Variants in RNF41 observed in about 807,000 individuals in gnomAD.
RNF41 encodes the protein ring finger protein 41.
A neutral mutation model predicts 33.0 loss-of-function variants in RNF41; 4 were observed. The ratio of observed to expected loss-of-function variants is 0.12; its 90% CI spans 0.06 to 0.28. RNF41 has a LOEUF of 0.28. Ranked by LOEUF, RNF41 falls within the 10% of genes least tolerant of loss-of-function variation. The pLI, the probability that RNF41 is intolerant of heterozygous loss-of-function variation, is 1.00. For missense variants in RNF41, 228 were observed against 432.6 expected (o/e 0.53, Z 4.19); for synonymous variants, 164 against 153.2 (o/e 1.07, Z -0.52).
rs1373781388 is a variant in RNF41, at chr12:56,202,189, G to GA, written c.*4257dup. On this transcript the variant is annotated 3_prime_UTR_variant, in exon 7 of 7. Coordinates refer to ENST00000345093, the MANE Select transcript of RNF41 (RefSeq NM_005785.4). ...GTGTATCAAAGTCACTGAAAGAGAT[G>GA]AAACAAAAAAAATTTTACTAGTATT... The GA allele has an allele frequency of 1.9e-5, 2 of 104,092 alleles. No homozygotes were observed. Among genetic ancestry groups the GA allele is most frequent in the African/African-American group, 6.8e-5 (2 of 29,616 alleles). The allele number at this position is 104,092 out of a possible 1,614,324, so 6.4% of individuals were successfully genotyped here.
At chr12:56,210,712 C>G (rs1251590192) in intron 3 of RNF41, 144 bp from the exon 4 acceptor site, 1 of 763,400 alleles carries the variant, frequency 1.3e-6, no homozygotes, top group South Asian at 1.7e-5. Context: ...AAGTATAGAT[C>G]TACTACGGGC....
rs780893150 is a variant in RNF41 at position 56,204,452 on chromosome 12, G to A, written c.*1995C>T. ...GAAAGGGAATTAAGGTGAGAGAAAG[G>A]CAAAAGCAGAGGGGAAACCTTCTCA... On this transcript the variant is annotated 3_prime_UTR_variant, in exon 7 of 7. Transcript: ENST00000345093. 7.9e-5 allele frequency: 12 copies of A among 152,212 alleles called. No homozygotes were observed. The highest frequency in any genetic ancestry group is 1.3e-4 in the Admixed American group (2 of 15,272). The allele number at this position is 152,212 out of a possible 1,614,324, so 9.4% of individuals were successfully genotyped here.
At chr12:56,210,243 G>C in intron 4 of RNF41, 54 bp downstream of exon 4, 1 of 1,581,998 alleles carries the variant, frequency 6.3e-7, no homozygotes. Context: ...CCAGAGACAG[G>C]GGCATAAATG....
Position 56,210,673 on chromosome 12 carries a change from TACG to T in RNF41, c.91-108_91-106del, listed in dbSNP as rs1868411083. The T allele has an allele frequency of 2.2e-5, 25 of 1,129,536 alleles. No individual in the cohort carries two copies. The South Asian group carries it at 3.5e-4, about 16-fold the overall frequency. 70.0% of individuals were successfully genotyped at this position (1,129,536 alleles called of 1,614,324 possible). A position where few individuals can be genotyped will look rare whatever the true frequency, so the allele number is the denominator to read the frequency against. ...GCCAATCAAGCCTTTGAGCAGCCTC[TACG>T]ACAAGAGGTCCACTGGGTCACAGCA... On this transcript the variant is annotated intron_variant, in intron 3 of 6. Coordinates refer to ENST00000345093, the MANE Select transcript of RNF41 (RefSeq NM_005785.4).
chr12:56,213,134 C>T lies in RNF41; in HGVS notation c.90+824G>A, dbSNP rs984829205. ...GCAGAGTGCATGGCTGTATCAAAAGCTGGTCTTTTCAGTAGATCCCAGGAA... is the reference window on the plus strand; with the variant it reads ...GCAGAGTGCATGGCTGTATCAAAAGTTGGTCTTTTCAGTAGATCCCAGGAA... On this transcript the variant is annotated intron_variant, in intron 3 of 6. Transcript: ENST00000345093. 7 of 1,287,928 alleles carry T rather than the reference C, an allele frequency of 5.4e-6. No homozygotes were observed. In the African/African-American group the frequency reaches 9.1e-5, roughly 17 times the overall value. 79.8% of individuals were successfully genotyped at this position (1,287,928 alleles called of 1,614,324 possible). A position where few individuals can be genotyped will look rare whatever the true frequency, so the allele number is the denominator to read the frequency against.
intron 5 of RNF41, 23 bp from the exon 6 acceptor site, chr12:56,207,772 G>GA: frequency 6.4e-7 from 1 of 1,574,552 alleles, no homozygotes; most frequent in South Asian, 1.1e-5. Flanking sequence ...AGAAGAACAG[G>GA]AATAATGGTT....
chr12:56,208,703 T>C (rs939260575), intron 4 of RNF41, among the ~76,000 whole-genome samples: 2 of 152,034 alleles, frequency 1.3e-5, no homozygotes, highest in African/African-American at 4.8e-5. Flanking sequence ...TAGCTGGGAT[T>C]ACAGGTGCGC....
rs1868276057 is a variant in RNF41 at position 56,206,887 on chromosome 12, T to G, written c.603-89A>C. ...TGCTAATAGAAATAACTACCCACTC[T>G]GCACTCAGCTTACCTATTCTTCCTT... On this transcript the variant is annotated intron_variant, in intron 6 of 6. Transcript: ENST00000345093. This position sits in a 1 kb window ranked among gnomAD's most constrained non-coding sequence, Gnocchi z 5.7. 9.8e-7 allele frequency: 1 copy of G among 1,017,952 alleles called. No individual in the cohort carries two copies. The highest frequency in any genetic ancestry group is 1.4e-6 in the Non-Finnish European group (1 of 705,000). 63.1% of individuals were successfully genotyped at this position (1,017,952 alleles called of 1,614,324 possible).
chr12:56,207,134 A>C (rs1868283716), intron 6 of RNF41: 17 of 1,308,530 alleles, frequency 1.3e-5, no homozygotes, highest in Non-Finnish European at 1.6e-5. Context: ...CCCACTCAGC[A>C]CTATTTGCCC....
At chr12:56,217,158 GA>G (rs1205945855) in intron 1 of RNF41, among the ~76,000 whole-genome samples, 3 of 142,938 alleles carry the variant, frequency 2.1e-5, no homozygotes, top group Non-Finnish European at 4.6e-5. Context: ...AAAAAAAAAA[GA>G]CAAGAGGAAA....
At chr12:56,209,824 G>C (rs1032700987) in intron 4 of RNF41, among the ~76,000 whole-genome samples, 2 of 152,150 alleles carry the variant, frequency 1.3e-5, no homozygotes, top group African/African-American at 4.8e-5. Flanking sequence ...GGTTGGTCTT[G>C]AACTCCTGGC....
At chr12:56,214,533 A>AC (rs1456058319) in intron 2 of RNF41, among the ~76,000 whole-genome samples, 1 of 149,336 alleles carries the variant, frequency 6.7e-6, no homozygotes, top group African/African-American at 2.5e-5. Context: ...AAAAAAAAAA[A>AC]AAATTAATTC....
intron 6 of RNF41, chr12:56,207,061 A>G: frequency 7.6e-7 from 1 of 1,316,786 alleles, no homozygotes; most frequent in Non-Finnish European, 9.9e-7. Context: ...TAGCACATAT[A>G]GCGCCTAACA....
intron 2 of RNF41, among the ~76,000 whole-genome samples, chr12:56,214,390 C>T (rs560704552): frequency 7.3e-5 from 11 of 149,888 alleles, no homozygotes; most frequent in African/African-American, 2.5e-4. Flanking sequence ...GTGTGGTATG[C>T]GCATCTGTAA....
At chr12:56,216,346 G>C (rs898650235) in intron 2 of RNF41, 83 bp downstream of exon 2, 1 of 152,194 alleles carries the variant, frequency 6.6e-6, no homozygotes, top group Non-Finnish European at 1.5e-5. Context: ...TTTAAGAACT[G>C]GACTTTCAAG....
At position 56,206,824 on chromosome 12, in the gene RNF41, C is replaced by A; in HGVS notation, c.603-26G>T. The A allele has an allele frequency of 6.6e-7, 1 of 1,521,852 alleles. No individual in the cohort carries two copies. The highest frequency in any genetic ancestry group is 1.2e-5 in the South Asian group (1 of 85,150). 94.3% of individuals were successfully genotyped at this position (1,521,852 alleles called of 1,614,324 possible). A position where few individuals can be genotyped will look rare whatever the true frequency, so the allele number is the denominator to read the frequency against. On this transcript the variant is annotated intron_variant, in intron 6 of 6. Coordinates refer to ENST00000345093, the MANE Select transcript of RNF41 (RefSeq NM_005785.4). This position sits in a 1 kb window ranked among gnomAD's most constrained non-coding sequence, Gnocchi z 5.7. ...CTGTGTGGAGGTGGTTAAAGATGGT[C>A]ATTCCAGCTCATCTCCTTTCTCTGT...
intron 3 of RNF41, 55 bp downstream of exon 3, chr12:56,213,903 T>A: frequency 9.0e-7 from 1 of 1,114,894 alleles, no homozygotes; most frequent in Non-Finnish European, 1.4e-6. Flanking sequence ...GAATATTTTC[T>A]ACTAGTTCCA....
chr12:56,221,626 A>G (rs1380220259), intron 1 of RNF41, 134 bp downstream of exon 1: 1 of 151,888 alleles, frequency 6.6e-6, no homozygotes, highest in East Asian at 1.9e-4. Context: ...CCCTTCTCAC[A>G]TTTTTATCTC....
chr12:56,220,848 G>C (rs1256713889), intron 1 of RNF41, among the ~76,000 whole-genome samples: 3 of 152,120 alleles, frequency 2.0e-5, no homozygotes, highest in Non-Finnish European at 4.4e-5. Context: ...CCACAGGTCG[G>C]TCGGCTTAAC....
Sources: allele counts gnomAD v4.1 joint callset (sites outside exome capture counted in the v4.1 genomes callset), GRCh38; gene constraint gnomAD v4.1.1; non-coding constraint Gnocchi (gnomAD v3.1); transcripts MANE v1.5; gene names NCBI Gene and HGNC (gene_info 2026-07-23, HGNC 2026-07-21).